Variants in C20orf96 observed in about 807,000 individuals in gnomAD.
The protein encoded by C20orf96 is uncharacterized protein C20orf96.
A neutral mutation model predicts 52.6 loss-of-function variants in C20orf96; 57 were observed. The observed-to-expected ratio is 1.08, with a 90% CI of 0.88 to 1.35. The LOEUF (loss-of-function observed/expected upper bound fraction) is 1.35, where lower values mean the gene tolerates loss of function less well. Ranked by LOEUF, C20orf96 falls within the 40% of genes most tolerant of loss-of-function variation. The probability of loss-of-function intolerance (pLI) is 0.00; values close to 1 mark genes in which losing one functional copy is unlikely to be tolerated. For synonymous variants in C20orf96, 168 were observed against 157.2 expected (o/e 1.07, Z -0.51); for missense variants, 478 against 443.6 (o/e 1.08, Z -0.70).
intron 3 of C20orf96, 111 bp downstream of exon 3, chr20:289,444 ATTGT>A: frequency 1.4e-6 from 1 of 709,456 alleles, no homozygotes; most frequent in Non-Finnish European, 2.6e-6. Context: ...CAATTTGGGC[ATTGT>A]TTATTACATC....
At chr20:285,297 C>T (rs1201251469) in intron 3 of C20orf96, among the ~76,000 whole-genome samples, 1 of 152,190 alleles carries the variant, frequency 6.6e-6, no homozygotes, top group Non-Finnish European at 1.5e-5. Flanking sequence ...GGACAAATCG[C>T]CCAGGTGGAT....
At chr20:287,426 C>T (rs2012415813) in intron 3 of C20orf96, among the ~76,000 whole-genome samples, 1 of 152,180 alleles carries the variant, frequency 6.6e-6, no homozygotes, top group Non-Finnish European at 1.5e-5. Flanking sequence ...TGATGTTGAA[C>T]ATCTTTTTAA....
At chr20:274,865 A>G (rs567945186) in intron 10 of C20orf96, among the ~76,000 whole-genome samples, 36 of 151,716 alleles carry the variant, frequency 2.4e-4, no homozygotes, top group African/African-American at 8.2e-4. Context: ...TGTCACCCAG[A>G]CTGGAATGCA....
At chr20:286,442 G>A (rs1310771283) in intron 3 of C20orf96, among the ~76,000 whole-genome samples, 2 of 151,910 alleles carry the variant, frequency 1.3e-5, no homozygotes, top group African/African-American at 2.4e-5. Context: ...GCTTGAACCC[G>A]GGAGTTGGAG....
intron 1 of C20orf96, 82 bp from the exon 2 acceptor site, chr20:290,389 G>A (rs1303195059): frequency 6.3e-7 from 1 of 1,576,656 alleles, no homozygotes; most frequent in Non-Finnish European, 8.6e-7. Context: ...CAGGATTGGA[G>A]TCTCGAACCA....
intron 4 of C20orf96, among the ~76,000 whole-genome samples, chr20:281,343 G>A (rs1218199069): frequency 6.6e-6 from 1 of 152,114 alleles, no homozygotes; most frequent in East Asian, 1.9e-4. Flanking sequence ...GACAGAGCAA[G>A]ACCCTGTCTT....
chr20:277,915 C>T (rs6132248), intron 6 of C20orf96, among the ~76,000 whole-genome samples: 68,037 of 152,024 alleles, frequency 0.45, 15,272 homozygotes, highest in East Asian at 0.52. Flanking sequence ...CCAGGAGACC[C>T]AGGTTCTAGC....
At chr20:278,820 T>TC (rs2012114235) in intron 5 of C20orf96, among the ~76,000 whole-genome samples, 1 of 143,334 alleles carries the variant, frequency 7.0e-6, no homozygotes, top group Non-Finnish European at 1.5e-5. Flanking sequence ...ATCTCGGTCC[T>TC]CTTGCAAAGC....
intron 10 of C20orf96, 117 bp from the exon 11 acceptor site, chr20:271,384 C>A: frequency 3.2e-5 from 21 of 663,606 alleles, no homozygotes; most frequent in East Asian, 1.0e-4. Context: ...GGGGGCAATC[C>A]CAAAATACAA....
At chr20:283,790 G>A (rs1003655593) in intron 4 of C20orf96, among the ~76,000 whole-genome samples, 173 bp downstream of exon 4, 4 of 152,034 alleles carry the variant, frequency 2.6e-5, no homozygotes, top group African/African-American at 9.7e-5. Context: ...ATCTCCCTGC[G>A]CCTCAGTTTC....
At chr20:274,261 G>A (rs1398764992) in intron 10 of C20orf96, among the ~76,000 whole-genome samples, 7 of 151,974 alleles carry the variant, frequency 4.6e-5, no homozygotes, top group Non-Finnish European at 1.0e-4. Context: ...ATCCATGAGT[G>A]TATTGCTCCT....
Position 290,615 on chromosome 20 carries a change from G to GA in C20orf96, c.-6dup. 1 of 1,605,412 alleles carries GA rather than the reference G, an allele frequency of 6.2e-7. No individual in the cohort carries two copies. The highest frequency in any genetic ancestry group is 1.4e-5 in the African/African-American group (1 of 70,978). On this transcript the variant is annotated 5_prime_UTR_variant, in exon 1 of 11. Coordinates refer to ENST00000360321, the MANE Select transcript of C20orf96 (RefSeq NM_153269.3). Reference sequence around the variant, plus strand: ...CTTTTGTAAGACATGCGCCATTGGGGAAAATGGAAGAGAAGTTGCGAGTCT... The same window carrying GA: ...CTTTTGTAAGACATGCGCCATTGGGGAAAAATGGAAGAGAAGTTGCGAGTCT...
At chr20:286,102 G>A (rs2012377816) in intron 3 of C20orf96, among the ~76,000 whole-genome samples, 1 of 152,282 alleles carries the variant, frequency 6.6e-6, no homozygotes, top group East Asian at 1.9e-4. Context: ...AATGCTTAAG[G>A]AAGATTTGCA....
At position 270,901 on chromosome 20, in the gene C20orf96, G is replaced by A; in HGVS notation, c.*306C>T. 2 of 399,454 alleles carry A rather than the reference G, an allele frequency of 5.0e-6. No homozygotes were observed. Among genetic ancestry groups the A allele is most frequent in the Non-Finnish European group, 4.5e-6 (1 of 222,074 alleles). The allele number at this position is 399,454 out of a possible 1,614,324, so 24.7% of individuals were successfully genotyped here. On this transcript the variant is annotated 3_prime_UTR_variant, in exon 11 of 11. Transcript: ENST00000360321. ...CAGCTTTATTGGTAAAAAAGGAATA[G>A]CAGATTTAATCAGAAATTCCCACCT...
intron 3 of C20orf96, among the ~76,000 whole-genome samples, chr20:289,273 A>T (rs2012474439): frequency 6.6e-6 from 1 of 151,742 alleles, no homozygotes; most frequent in Non-Finnish European, 1.5e-5. Flanking sequence ...CTGGATGCAA[A>T]AGTATCCAGC....
intron 3 of C20orf96, among the ~76,000 whole-genome samples, chr20:285,085 A>G (rs1391346856): frequency 1.3e-5 from 2 of 152,224 alleles, no homozygotes; most frequent in Admixed American, 6.5e-5. Flanking sequence ...CTGGATACAC[A>G]TTACCAGTTG....
chr20:277,121 T>A lies in C20orf96; in HGVS notation c.748A>T (p.Met250Leu), dbSNP rs775014541. The change falls in exon 8 of 11, where the codon ATG becomes TTG. Residue 250 changes from methionine to leucine, a missense_variant. By Grantham distance (15) the Met-to-Leu change is conservative. Transcript: ENST00000360321. ...QQDELDDLGE[M>L]RRKVLESLSD... ...AAGGATTCCAGGACCTTTCTGCGCA[T>A]CTCACCGAGGTCATCCAGCTCATCC... The A allele has an allele frequency of 1.7e-5, 27 of 1,613,784 alleles. No individual in the cohort carries two copies. The highest frequency in any genetic ancestry group is 1.6e-4 in the Middle Eastern group (1 of 6,084).
rs2012527375 is a variant in C20orf96, at chr20:290,718, G to A, written c.-108C>T. 2 of 1,308,938 alleles carry A rather than the reference G, an allele frequency of 1.5e-6. No individual in the cohort carries two copies. The highest frequency in any genetic ancestry group is 2.1e-6 in the Non-Finnish European group (2 of 966,704). 81.1% of individuals were successfully genotyped at this position (1,308,938 alleles called of 1,614,324 possible). Reference sequence around the variant, plus strand: ...TCAGTGTAGATCGCGCGGTAACCCAGGCCACTCAGAAGTCCCGAGACCCGA... The same window carrying A: ...TCAGTGTAGATCGCGCGGTAACCCAAGCCACTCAGAAGTCCCGAGACCCGA... On this transcript the variant is annotated 5_prime_UTR_variant, in exon 1 of 11. Coordinates refer to ENST00000360321, the MANE Select transcript of C20orf96 (RefSeq NM_153269.3).
rs984169914 is a variant in C20orf96, at chr20:277,220, C to T, written c.723+6G>A. The T allele has an allele frequency of 6.2e-7, 1 of 1,614,128 alleles. No homozygotes were observed. On this transcript the variant is annotated splice_donor_region_variant and intron_variant, in intron 7 of 10. Coordinates refer to ENST00000360321, the MANE Select transcript of C20orf96 (RefSeq NM_153269.3). ...TCTGGTGGGAGAGGGGCAGGGGCTC[C>T]CCTACCTGCTGGCTGTCCTTAACCT...
Sources: gnomAD v4.1 joint callset for allele counts (sites outside exome capture counted in the v4.1 genomes callset) on GRCh38, gnomAD v4.1.1 for gene constraint, MANE v1.5 for transcripts, NCBI Gene and HGNC (gene_info 2026-07-23, HGNC 2026-07-21) for gene names.